Variants in WDR59 observed in about 807,000 individuals in gnomAD.
WDR59 encodes WD repeat domain 59, also known as GATOR2 complex protein WDR59.
Under a neutral mutation model 131.2 loss-of-function variants are expected in WDR59, and 100 were observed. The observed-to-expected ratio is 0.76, with a 90% CI of 0.65 to 0.90. The LOEUF (loss-of-function observed/expected upper bound fraction) is 0.90. WDR59 is among the 40% of genes least tolerant of loss of function. The pLI, the probability that WDR59 is intolerant of heterozygous loss-of-function variation, is 0.00. For synonymous variants in WDR59, 601 were observed against 466.2 expected, an observed-to-expected ratio of 1.29 and a Z score of -3.72; for missense variants, 1,203 against 1,262.2, an observed-to-expected ratio of 0.95 and a Z score of 0.71.
In WDR59 at chr16:74,937,798, G is replaced by A. The variant is rs370655319; in HGVS notation, c.651+352C>T. On this transcript the variant is annotated intron_variant, in intron 8 of 25. Coordinates refer to ENST00000262144, the MANE Select transcript of WDR59 (RefSeq NM_030581.4). ...ATTACAGGTGTGAGCCACCATGCCC[G>A]GCCAACTTCTTTCCCTTTCTAAGTA... Among the ~76,000 whole-genome samples, 24 of 152,200 alleles carry A rather than the reference G, an allele frequency of 1.6e-4. No individual in the cohort carries two copies. In the South Asian group the frequency reaches 3.9e-3, roughly 25 times the overall value.
chr16:74,884,947 GC>G (rs1052243386), intron 25 of WDR59, among the ~76,000 whole-genome samples: 5 of 151,998 alleles, frequency 3.3e-5, no homozygotes, highest in Non-Finnish European at 7.4e-5. Flanking sequence ...TGTTCTCCCT[GC>G]CCCCACATCG....
Position 74,889,898 on chromosome 16 carries a change from A to G in WDR59, c.2083-83T>C, listed in dbSNP as rs146701100. The G allele has an allele frequency of 1.3e-3, 1,284 of 968,986 alleles. 15 individuals are homozygous for G. In the African/African-American group the frequency reaches 0.019, roughly 15 times the overall value. The allele number at this position is 968,986 out of a possible 1,614,324, so 60.0% of individuals were successfully genotyped here. On this transcript the variant is annotated intron_variant, in intron 20 of 25. Transcript: ENST00000262144. ...TGAAGCAATCCCACCTGTCTTCCATATAAAACCTGATGCCTTGCTACATTG... is the reference window on the plus strand; with the variant it reads ...TGAAGCAATCCCACCTGTCTTCCATGTAAAACCTGATGCCTTGCTACATTG...
chr16:74,940,930 T>A (rs2032169391), intron 7 of WDR59, among the ~76,000 whole-genome samples: 1 of 151,940 alleles, frequency 6.6e-6, no homozygotes, highest in Non-Finnish European at 1.5e-5. Context: ...GGTCTCGATC[T>A]CCTGACCTCG....
At chr16:74,944,134 C>G (rs558230490) in intron 6 of WDR59, among the ~76,000 whole-genome samples, 1 of 152,258 alleles carries the variant, frequency 6.6e-6, no homozygotes, top group African/African-American at 2.4e-5. Flanking sequence ...CCAAGGGACT[C>G]TGGGAAGCCC....
At chr16:74,957,166 C>T (rs1324680677) in intron 2 of WDR59, among the ~76,000 whole-genome samples, 1 of 151,218 alleles carries the variant, frequency 6.6e-6, no homozygotes, top group Non-Finnish European at 1.5e-5. Context: ...CTGCAACCTC[C>T]GCTTCCCAAG....
At chr16:74,961,684 T>C (rs968685175) in intron 2 of WDR59, among the ~76,000 whole-genome samples, 6 of 152,236 alleles carry the variant, frequency 3.9e-5, no homozygotes, top group Non-Finnish European at 5.9e-5. Flanking sequence ...AGATTCTGGA[T>C]ATTAGACCTT....
intron 17 of WDR59, among the ~76,000 whole-genome samples, chr16:74,906,034 G>T (rs1965792627): frequency 6.6e-6 from 1 of 151,892 alleles, no homozygotes; most frequent in Admixed American, 6.6e-5. Context: ...CAGTGAGACG[G>T]CCGGGCGCGG....
chr16:74,907,669 C>T (rs4888309), intron 17 of WDR59, among the ~76,000 whole-genome samples: 54,227 of 152,008 alleles, frequency 0.36, 9,695 homozygotes, highest in African/African-American at 0.39. Context: ...CAGGGGTTTG[C>T]AGCAGGGAGG....
At chr16:74,944,032 A>T (rs1329408645) in intron 6 of WDR59, among the ~76,000 whole-genome samples, 1 of 152,188 alleles carries the variant, frequency 6.6e-6, no homozygotes, top group Admixed American at 6.5e-5. Context: ...AAAGTGAGTG[A>T]GAAGAGCTTG....
intron 17 of WDR59, chr16:74,904,488 C>A: frequency 1.6e-5 from 3 of 188,194 alleles, no homozygotes; most frequent in South Asian, 9.6e-5. Context: ...TGAAAATGTG[C>A]GTGAAAATAC....
chr16:74,904,142 T>C (rs781038360), intron 17 of WDR59, 42 bp from the exon 18 acceptor site: 2 of 1,588,402 alleles, frequency 1.3e-6, no homozygotes, highest in Non-Finnish European at 1.7e-6. Context: ...GCTGCAGTCC[T>C]GTCATATTTC....
rs1345787799 is a variant in WDR59 at position 74,984,618 on chromosome 16, G to A, written c.54+346C>T. 1.2e-5 allele frequency: 4 copies of A among 322,264 alleles called. No homozygotes were observed. In the East Asian group the frequency reaches 2.2e-4, roughly 18 times the overall value. The allele number at this position is 322,264 out of a possible 1,614,324, so 20.0% of individuals were successfully genotyped here. On this transcript the variant is annotated intron_variant, in intron 1 of 25. Coordinates refer to ENST00000262144, the MANE Select transcript of WDR59 (RefSeq NM_030581.4). Reference sequence around the variant, plus strand: ...CGCGACTTGCCTTAAGTCGCCACACGCGGCTAGGGCCTCGGGAAGCCGTCA... The same window carrying A: ...CGCGACTTGCCTTAAGTCGCCACACACGGCTAGGGCCTCGGGAAGCCGTCA...
chr16:74,960,309 C>A (rs1292596673), intron 2 of WDR59, among the ~76,000 whole-genome samples: 2 of 151,384 alleles, frequency 1.3e-5, no homozygotes, highest in African/African-American at 4.9e-5. Context: ...CCAGCTTGGG[C>A]AACAGAGCGA....
At chr16:74,943,856 G>C (rs1311684139) in intron 6 of WDR59, among the ~76,000 whole-genome samples, 2 of 152,232 alleles carry the variant, frequency 1.3e-5, no homozygotes, top group Non-Finnish European at 2.9e-5. Context: ...TCCTGTCCAA[G>C]GATATGCTGT....
At chr16:74,911,652 C>A (rs1966099069) in intron 14 of WDR59, among the ~76,000 whole-genome samples, 1 of 152,198 alleles carries the variant, frequency 6.6e-6, no homozygotes, top group Non-Finnish European at 1.5e-5. Flanking sequence ...GCCAGCCTGT[C>A]TCTAGGATAA....
chr16:74,924,494 G>C (rs1844976355), intron 8 of WDR59, among the ~76,000 whole-genome samples: 1 of 152,034 alleles, frequency 6.6e-6, no homozygotes, highest in Admixed American at 6.6e-5. Context: ...AATGTGCAAG[G>C]TCACAAAGAA....
rs371108508 is a variant in WDR59, at chr16:74,952,361, G to A, written c.241-818C>T. ...ACAGGCTGAGGTGGGAGGATCGCTT[G>A]AGCCTGGGAGGTCGAGGCAATAGTA... On this transcript the variant is annotated intron_variant, in intron 3 of 25. Coordinates refer to ENST00000262144, the MANE Select transcript of WDR59 (RefSeq NM_030581.4). 2.7e-5 allele frequency among the ~76,000 whole-genome samples: 4 copies of A among 149,706 alleles called. No homozygotes were observed. The East Asian group carries it at 7.8e-4, about 29-fold the overall frequency.
intron 1 of WDR59, 125 bp downstream of exon 1, chr16:74,984,839 C>T: frequency 1.3e-5 from 19 of 1,410,808 alleles, no homozygotes; most frequent in Non-Finnish European, 1.8e-5. Flanking sequence ...CGGCTAAGCC[C>T]CGCCCACCTC....
intron 25 of WDR59, among the ~76,000 whole-genome samples, chr16:74,883,849 A>G (rs921243474): frequency 5.3e-5 from 8 of 152,176 alleles, no homozygotes; most frequent in South Asian, 4.1e-4. Context: ...GGGATCCCCA[A>G]ATTCCCAGTT....
Sources: allele counts gnomAD v4.1 joint callset (sites outside exome capture counted in the v4.1 genomes callset), GRCh38; gene constraint gnomAD v4.1.1; transcripts MANE v1.5; gene names NCBI Gene and HGNC (gene_info 2026-07-23, HGNC 2026-07-21).